The following PLXNA2 variants were observed in gnomAD, a reference collection of about 807,000 sequenced individuals.
PLXNA2 encodes plexin-A2.
Under a neutral mutation model 193.5 loss-of-function variants are expected in PLXNA2, and 91 were observed. The ratio of observed to expected loss-of-function variants is 0.47; its 90% CI spans 0.40 to 0.56. The LOEUF is 0.56. Ranked by LOEUF, PLXNA2 falls within the 20% of genes least tolerant of loss-of-function variation. The pLI, the probability that PLXNA2 is intolerant of heterozygous loss-of-function variation, is 0.00. For synonymous variants in PLXNA2, 997 were observed against 1,027.3 expected (o/e 0.97, Z 0.56); for missense variants, 1,995 against 2,503.2 (o/e 0.80, Z 4.33).
intron 1 of PLXNA2, among the ~76,000 whole-genome samples, chr1:208,239,055 A>G (rs1558261494): frequency 2.0e-5 from 3 of 152,148 alleles, no homozygotes; most frequent in Non-Finnish European, 4.4e-5. Flanking sequence ...ACAGAGGCCC[A>G]AAGGTCCCAC....
At chr1:208,173,501 T>C (rs6682437) in intron 3 of PLXNA2, among the ~76,000 whole-genome samples, 54,105 of 152,124 alleles carry the variant, frequency 0.36, 9,841 homozygotes, top group Middle Eastern at 0.41. Flanking sequence ...GCTCAGAGAA[T>C]CTAAGTGAAG....
intron 1 of PLXNA2, among the ~76,000 whole-genome samples, chr1:208,242,939 T>A (rs911298969): frequency 6.6e-6 from 1 of 152,128 alleles, no homozygotes; most frequent in Admixed American, 6.5e-5. Context: ...ATAAGGAGCC[T>A]CTGGGACCCT....
chr1:208,185,725 A>G (rs1472777129), intron 3 of PLXNA2, among the ~76,000 whole-genome samples: 2 of 151,342 alleles, frequency 1.3e-5, no homozygotes, highest in Middle Eastern at 3.4e-3. Context: ...AAAAGGAAAA[A>G]AAAAAAGAAA....
intron 18 of PLXNA2, among the ~76,000 whole-genome samples, 194 bp from the exon 19 acceptor site, chr1:208,045,404 G>A: frequency 6.6e-6 from 1 of 152,188 alleles, no homozygotes; most frequent in East Asian, 1.9e-4. Flanking sequence ...AGACGCAGGA[G>A]AGAATGAAAA....
intron 4 of PLXNA2, among the ~76,000 whole-genome samples, chr1:208,113,023 A>G (rs1667534746): frequency 6.6e-6 from 1 of 151,786 alleles, no homozygotes; most frequent in Admixed American, 6.6e-5. Context: ...AAAAAAAAAA[A>G]ACAGAGATGC....
rs1327079677 is a variant in PLXNA2 at position 208,023,260 on chromosome 1, G to A, written c.*3983C>T. 6.6e-6 allele frequency: 1 copy of A among 152,528 alleles called. No homozygotes were observed. Among genetic ancestry groups the A allele is most frequent in the Non-Finnish European group, 1.5e-5 (1 of 68,046 alleles). The allele number at this position is 152,528 out of a possible 1,614,324, so 9.4% of individuals were successfully genotyped here. On this transcript the variant is annotated 3_prime_UTR_variant, in exon 32 of 32. Coordinates refer to ENST00000367033, the MANE Select transcript of PLXNA2 (RefSeq NM_025179.4). ...CCCCAGGAGTCTCATGCAAGACACA[G>A]CGTGGCTGGGAAAAAAAGACGGCCT...
At chr1:208,127,855 C>T (rs990821751) in intron 4 of PLXNA2, among the ~76,000 whole-genome samples, 2 of 152,178 alleles carry the variant, frequency 1.3e-5, no homozygotes, top group African/African-American at 4.8e-5. Context: ...CAGTAGAAAT[C>T]CCCCCTGGCG....
At chr1:208,117,514 C>T (rs1306624668) in intron 4 of PLXNA2, among the ~76,000 whole-genome samples, 2 of 152,200 alleles carry the variant, frequency 1.3e-5, no homozygotes, top group Non-Finnish European at 2.9e-5. Flanking sequence ...GCTGTGACCC[C>T]ACTGCGGACA....
rs1009095773 is a variant in PLXNA2 at position 208,038,665 on chromosome 1, C to A, written c.4660+160G>T. 6.6e-6 allele frequency among the ~76,000 whole-genome samples: 1 copy of A among 152,240 alleles called. No homozygotes were observed. The highest frequency in any genetic ancestry group is 2.4e-5 in the African/African-American group (1 of 41,464). ...GGAAACACGTAGACCTCCCCAGAGA[C>A]AGCCACATCTGAACAGGCAGCGCTC... On this transcript the variant is annotated intron_variant, in intron 25 of 31. Coordinates refer to ENST00000367033, the MANE Select transcript of PLXNA2 (RefSeq NM_025179.4). The surrounding 1 kb of genome is among the most constrained non-coding windows in gnomAD (Gnocchi z 4.1).
intron 5 of PLXNA2, among the ~76,000 whole-genome samples, chr1:208,102,653 T>G (rs764446603): frequency 2.7e-4 from 41 of 152,308 alleles, no homozygotes; most frequent in Middle Eastern, 3.4e-3. Flanking sequence ...AATTCACCTG[T>G]GAAATAGGCA....
chr1:208,059,058 T>C (rs1029572577), intron 13 of PLXNA2, among the ~76,000 whole-genome samples: 1 of 152,136 alleles, frequency 6.6e-6, no homozygotes, highest in Admixed American at 6.5e-5. Context: ...CTGTGGCATC[T>C]CACCAAGTTG....
At chr1:208,098,797 G>A (rs376558124) in intron 6 of PLXNA2, 49 bp downstream of exon 6, 3 of 1,596,862 alleles carry the variant, frequency 1.9e-6, no homozygotes, top group Middle Eastern at 3.3e-4. Flanking sequence ...ACCCACACAG[G>A]TGCATGCACT....
At position 208,052,395 on chromosome 1, in the gene PLXNA2, G is replaced by A. The variant is rs748440264; in HGVS notation, c.2925C>T (p.Thr975=). 1.2e-5 allele frequency: 19 copies of A among 1,613,810 alleles called. 1 individual carries two copies. Among genetic ancestry groups the A allele is most frequent in the African/African-American group, 6.7e-5 (5 of 74,898 alleles). ...TGCTCCCAGCCCCAAGGTAATGGCC[G>A]GTAATGGTCACCATAGTGCCTCCTG... The part of the protein sequence containing the change: ...PESGGTMVTI[T]GHYLGAGSSV... The change falls in exon 15 of 32, where the codon ACC becomes ACT. Residue 975 remains threonine, a synonymous_variant. Coordinates refer to ENST00000367033, the MANE Select transcript of PLXNA2 (RefSeq NM_025179.4).
rs543029881 is a variant in PLXNA2, at chr1:208,082,057, G to A, written c.2395+355C>T. Among the ~76,000 whole-genome samples the A allele has an allele frequency of 6.6e-6, 1 of 152,266 alleles. No homozygotes were observed. The highest frequency in any genetic ancestry group is 2.1e-4 in the South Asian group (1 of 4,824). ...GATTGTGACCAGGGCCAAGGACAGGGGAACAAGAGCCTGACTGGAAACAAT... is the reference window on the plus strand; with the variant it reads ...GATTGTGACCAGGGCCAAGGACAGGAGAACAAGAGCCTGACTGGAAACAAT... On this transcript the variant is annotated intron_variant, in intron 11 of 31. Transcript: ENST00000367033. This position sits in a 1 kb window ranked among gnomAD's most constrained non-coding sequence, Gnocchi z 4.2.
chr1:208,048,390 AG>A (rs1665148177), intron 17 of PLXNA2, among the ~76,000 whole-genome samples: 1 of 152,180 alleles, frequency 6.6e-6, no homozygotes, highest in East Asian at 1.9e-4. Context: ...AGCACAGGGC[AG>A]GGGTTCTGAG....
At chr1:208,121,818 C>T (rs1341895073) in intron 4 of PLXNA2, among the ~76,000 whole-genome samples, 3 of 152,200 alleles carry the variant, frequency 2.0e-5, no homozygotes, top group African/African-American at 7.2e-5. Context: ...CTCGTGTACA[C>T]ACACTCATGA....
At chr1:208,232,005 G>A (rs1671707416) in intron 1 of PLXNA2, among the ~76,000 whole-genome samples, 1 of 152,250 alleles carries the variant, frequency 6.6e-6, no homozygotes, top group African/African-American at 2.4e-5. Flanking sequence ...CTAAGGAGCT[G>A]TGACTCAGAG....
chr1:208,230,106 G>A (rs1179467771), intron 1 of PLXNA2: 1 of 152,188 alleles, frequency 6.6e-6, no homozygotes, highest in African/African-American at 2.4e-5. Flanking sequence ...GTAAACTCTA[G>A]AGCTCTAAGT....
chr1:208,032,236 T>A, intron 28 of PLXNA2: 4 of 656,196 alleles, frequency 6.1e-6, no homozygotes, highest in Non-Finnish European at 7.6e-6. Flanking sequence ...GTATCTGGAA[T>A]GTGGAATGTG....
Sources: gnomAD v4.1 joint callset for allele counts (sites outside exome capture counted in the v4.1 genomes callset) on GRCh38, gnomAD v4.1.1 for gene constraint, Gnocchi (gnomAD v3.1) non-coding constraint, MANE v1.5 for transcripts, NCBI Gene and HGNC (gene_info 2026-07-23, HGNC 2026-07-21) for gene names.